Variants in EXOC4 observed in about 807,000 individuals in gnomAD.
EXOC4 encodes exocyst complex component 4.
A neutral mutation model predicts 107.2 loss-of-function variants in EXOC4; 71 were observed. That is an observed-to-expected ratio of 0.66 (90% CI 0.55 to 0.81). The LOEUF (loss-of-function observed/expected upper bound fraction) is 0.81, where lower values mean the gene tolerates loss of function less well. Among genes scored for constraint, EXOC4 ranks in the 30% least tolerant of loss-of-function variants. EXOC4 has a pLI of 0.00. For synonymous variants in EXOC4, 456 were observed against 441.2 expected, an observed-to-expected ratio of 1.03 and a Z score of -0.42; for missense variants, 1,108 against 1,189.6, an observed-to-expected ratio of 0.93 and a Z score of 1.01.
intron 10 of EXOC4, among the ~76,000 whole-genome samples, chr7:133,703,654 C>G (rs1269165691): frequency 6.6e-6 from 1 of 152,150 alleles, no homozygotes; most frequent in Non-Finnish European, 1.5e-5. Flanking sequence ...GAGATCATAG[C>G]CTTTTCCTAT....
intron 7 of EXOC4, among the ~76,000 whole-genome samples, chr7:133,386,622 T>G (rs1264415512): frequency 6.6e-6 from 1 of 152,212 alleles, no homozygotes; most frequent in African/African-American, 2.4e-5. Context: ...TACTGATACG[T>G]GTACCATAAC....
chr7:133,378,125 A>G (rs1032945045), intron 7 of EXOC4, among the ~76,000 whole-genome samples: 3 of 151,990 alleles, frequency 2.0e-5, no homozygotes, highest in East Asian at 3.9e-4. Context: ...CCTGGCCAAG[A>G]TGGTGAAACC....
chr7:133,484,096 A>G (rs769348138), intron 9 of EXOC4: 4 of 1,613,578 alleles, frequency 2.5e-6, no homozygotes, highest in African/African-American at 2.7e-5. Context: ...AAAAGCTCAA[A>G]TTTTACAAAA....
intron 7 of EXOC4, among the ~76,000 whole-genome samples, chr7:133,426,737 G>A (rs1434324066): frequency 6.6e-6 from 1 of 152,208 alleles, no homozygotes; most frequent in African/African-American, 2.4e-5. Context: ...TAAACAGATG[G>A]TTGTCATCAC....
intron 9 of EXOC4, among the ~76,000 whole-genome samples, chr7:133,557,878 C>G (rs983022455): frequency 6.6e-6 from 1 of 152,128 alleles, no homozygotes; most frequent in Non-Finnish European, 1.5e-5. Context: ...GTAATCGCAG[C>G]TACTCAAGAG....
the EXOC4 span, among the ~76,000 whole-genome samples, chr7:134,092,903 A>T: frequency 6.8e-6 from 1 of 147,178 alleles, no homozygotes; most frequent in African/African-American, 2.6e-5. Flanking sequence ...AGCCTGGGCG[A>T]CAGAGTGAGA....
chr7:133,328,254 G>GT (rs201019321), intron 5 of EXOC4, among the ~76,000 whole-genome samples: 34,343 of 147,376 alleles, frequency 0.23, 3,976 homozygotes, highest in South Asian at 0.31. Context: ...TGCAACCCCT[G>GT]TTTTTTTTTT....
intron 5 of EXOC4, among the ~76,000 whole-genome samples, chr7:133,333,958 A>C (rs1795451385): frequency 1.3e-5 from 2 of 152,246 alleles, no homozygotes; most frequent in South Asian, 4.1e-4. Flanking sequence ...TTCAATTTGC[A>C]TATTAGAAGG....
intron 3 of EXOC4, among the ~76,000 whole-genome samples, chr7:133,294,027 A>C (rs1480478737): frequency 6.6e-6 from 1 of 152,196 alleles, no homozygotes; most frequent in Non-Finnish European, 1.5e-5. Flanking sequence ...TAATTTTGCC[A>C]GTGAAGCGTG....
chr7:134,039,165 T>C (rs1264993115), intron 17 of EXOC4, among the ~76,000 whole-genome samples: 1 of 152,112 alleles, frequency 6.6e-6, no homozygotes, highest in East Asian at 1.9e-4. Context: ...TCAATAGATA[T>C]AGATAATAGA....
intron 3 of EXOC4, among the ~76,000 whole-genome samples, chr7:133,302,296 A>G (rs1285019712): frequency 6.6e-6 from 1 of 152,218 alleles, no homozygotes; most frequent in Non-Finnish European, 1.5e-5. Flanking sequence ...TTTCAATTCT[A>G]AAACAGATTT....
chr7:133,786,679 T>G (rs1460200875), intron 10 of EXOC4, among the ~76,000 whole-genome samples: 4 of 152,244 alleles, frequency 2.6e-5, no homozygotes, highest in Admixed American at 2.6e-4. Context: ...TTTGTGTCAC[T>G]TTACATTTTA....
chr7:133,834,898 G>A (rs1315353780), intron 11 of EXOC4, among the ~76,000 whole-genome samples: 1 of 152,006 alleles, frequency 6.6e-6, no homozygotes, highest in Non-Finnish European at 1.5e-5. Flanking sequence ...ATTATGGGTT[G>A]GGGGGGTCTT....
intron 17 of EXOC4, among the ~76,000 whole-genome samples, chr7:134,009,176 G>A (rs1007520842): frequency 6.6e-6 from 1 of 152,090 alleles, no homozygotes. Context: ...AGCCTTTATG[G>A]CTAGGAAGTC....
At chr7:133,283,546 TG>T (rs1231492892) in intron 2 of EXOC4, among the ~76,000 whole-genome samples, 3 of 152,354 alleles carry the variant, frequency 2.0e-5, no homozygotes, top group African/African-American at 7.2e-5. Context: ...GTGAGATTGT[TG>T]GATCATATGG....
At chr7:133,806,111 G>A (rs1797070769) in intron 10 of EXOC4, among the ~76,000 whole-genome samples, 1 of 152,232 alleles carries the variant, frequency 6.6e-6, no homozygotes. Flanking sequence ...CACTAACATA[G>A]TGCCTACCTT....
intron 9 of EXOC4, among the ~76,000 whole-genome samples, chr7:133,530,845 T>G (rs1800168741): frequency 6.6e-6 from 1 of 152,188 alleles, no homozygotes; most frequent in South Asian, 2.1e-4. Context: ...TGTGAAGGAT[T>G]GCAGTTCACT....
intron 7 of EXOC4, among the ~76,000 whole-genome samples, chr7:133,402,980 G>T (rs940518023): frequency 6.6e-6 from 1 of 150,676 alleles, no homozygotes; most frequent in African/African-American, 2.5e-5. Flanking sequence ...TGACTCCCTG[G>T]TTCAAGCGAT....
intron 10 of EXOC4, among the ~76,000 whole-genome samples, chr7:133,698,182 C>G (rs778576324): frequency 6.6e-6 from 1 of 151,974 alleles, no homozygotes; most frequent in Non-Finnish European, 1.5e-5. Context: ...TACCCCTGCT[C>G]TCTGTATCAG....
Sources: gnomAD v4.1 joint callset for allele counts (sites outside exome capture counted in the v4.1 genomes callset) on GRCh38, gnomAD v4.1.1 for gene constraint, MANE v1.5 for transcripts, NCBI Gene and HGNC (gene_info 2026-07-23, HGNC 2026-07-21) for gene names.